The following CHN2 variants were observed in gnomAD, a reference collection of about 807,000 sequenced individuals.
CHN2 encodes the protein beta-chimaerin.
In CHN2, 35 loss-of-function variants were observed where a neutral mutation model predicts 56.3. That is an observed-to-expected ratio of 0.62 (90% CI 0.47 to 0.82). The LOEUF is 0.82. Among genes scored for constraint, CHN2 ranks in the 40% least tolerant of loss-of-function variants. The probability of loss-of-function intolerance (pLI) is 0.00; values close to 1 mark genes in which losing one functional copy is unlikely to be tolerated. For synonymous variants in CHN2, 210 were observed against 212.8 expected (o/e 0.99, Z 0.12); for missense variants, 491 against 580.5 (o/e 0.85, Z 1.58).
intron 2 of CHN2, among the ~76,000 whole-genome samples, chr7:29,181,654 A>G (rs1373388673): frequency 6.6e-6 from 1 of 152,228 alleles, no homozygotes; most frequent in Non-Finnish European, 1.5e-5. Flanking sequence ...TAGCTTTATT[A>G]TGGCCTCCAA....
intron 2 of CHN2, among the ~76,000 whole-genome samples, chr7:29,175,411 G>A (rs1252032735): frequency 6.6e-6 from 1 of 151,960 alleles, no homozygotes; most frequent in African/African-American, 2.4e-5. Context: ...CCAGACTTCG[G>A]GTTTTCTGCC....
Position 29,255,692 on chromosome 7 carries a change from AAAAC to A in CHN2, c.49+60712_49+60715del, listed in dbSNP as rs1332045760. The stretch of plus-strand genomic sequence containing the variant: ...TCAAGTTCAGAATGGGTTTTTTATA[AAAAC>A]AAACAAACAGCCATGATTGATGTCT... On this transcript the variant is annotated intron_variant, in intron 1 of 12. Transcript: ENST00000222792. 1.4e-4 allele frequency among the ~76,000 whole-genome samples: 21 copies of A among 152,312 alleles called. No individual in the cohort carries two copies. The East Asian group carries it at 1.7e-3, about 13-fold the overall frequency.
chr7:29,334,049 C>CTTTTTTTTTTT (rs70980529), intron 1 of CHN2, among the ~76,000 whole-genome samples: 3 of 123,126 alleles, frequency 2.4e-5, no homozygotes, highest in East Asian at 2.3e-4. Context: ...AATTTCTTTT[C>CTTTTTTTTTTT]TTTTTTTTTT....
chr7:29,479,924 A>C (rs919738785), intron 6 of CHN2: 1 of 1,437,982 alleles, frequency 7.0e-7, no homozygotes, highest in Non-Finnish European at 9.1e-7. Context: ...GCCCATCCTT[A>C]TTCAGAAGCC....
intron 1 of CHN2, among the ~76,000 whole-genome samples, chr7:29,319,243 A>G (rs1795171559): frequency 2.0e-5 from 3 of 152,220 alleles, no homozygotes. Flanking sequence ...GAATCATCAC[A>G]AAAAGAAAAA....
intron 1 of CHN2, among the ~76,000 whole-genome samples, chr7:29,338,088 A>G (rs980081619): frequency 1.3e-5 from 2 of 152,226 alleles, no homozygotes; most frequent in African/African-American, 4.8e-5. Flanking sequence ...GGCAGGCTTA[A>G]TATACTTACA....
At chr7:29,360,239 T>A (rs1241164217) in intron 2 of CHN2, among the ~76,000 whole-genome samples, 2 of 152,178 alleles carry the variant, frequency 1.3e-5, no homozygotes, top group Non-Finnish European at 2.9e-5. Flanking sequence ...CTCGACATTC[T>A]GGCCGGGTGC....
At chr7:29,297,008 G>A (rs1793215605) in intron 1 of CHN2, among the ~76,000 whole-genome samples, 2 of 152,176 alleles carry the variant, frequency 1.3e-5, no homozygotes, top group South Asian at 4.1e-4. Flanking sequence ...CTGTCCTAAC[G>A]TTGTAGGACA....
intron 1 of CHN2, among the ~76,000 whole-genome samples, chr7:29,268,740 C>G (rs749783800): frequency 3.9e-5 from 6 of 152,234 alleles, no homozygotes; most frequent in Non-Finnish European, 7.3e-5. Flanking sequence ...AGCTCTCTCC[C>G]CAACACCCAT....
chr7:29,175,978 A>C (rs1427770014), intron 2 of CHN2, among the ~76,000 whole-genome samples: 2 of 152,118 alleles, frequency 1.3e-5, no homozygotes, highest in Non-Finnish European at 2.9e-5. Context: ...CAAGGTCAGG[A>C]GATCAAGACC....
At chr7:29,229,892 G>A (rs1786528229) in intron 1 of CHN2, among the ~76,000 whole-genome samples, 1 of 152,068 alleles carries the variant, frequency 6.6e-6, no homozygotes, top group Non-Finnish European at 1.5e-5. Flanking sequence ...TAGGTGGATT[G>A]CTCAAGTCCA....
At chr7:29,406,008 G>C (rs1002427160) in intron 6 of CHN2, among the ~76,000 whole-genome samples, 1 of 152,212 alleles carries the variant, frequency 6.6e-6, no homozygotes, top group Non-Finnish European at 1.5e-5. Context: ...CCTGTCCCGA[G>C]TGGTTCTCCC....
chr7:29,273,365 A>ATATATATGTGTATATATATATATG, intron 1 of CHN2, among the ~76,000 whole-genome samples: 1 of 52,126 alleles, frequency 1.9e-5, no homozygotes, highest in African/African-American at 7.8e-5. Context: ...ATATATATAT[A>ATATATATGTGTATATATATATATG]TATATATATA....
At chr7:29,263,396 C>T (rs913214505) in intron 1 of CHN2, among the ~76,000 whole-genome samples, 1 of 152,174 alleles carries the variant, frequency 6.6e-6, no homozygotes, top group Non-Finnish European at 1.5e-5. Flanking sequence ...ACCTCCCAGC[C>T]GCCTGCCTTG....
intron 1 of CHN2, among the ~76,000 whole-genome samples, chr7:29,309,371 C>G (rs1304653624): frequency 1.3e-5 from 2 of 152,088 alleles, no homozygotes; most frequent in African/African-American, 4.8e-5. Context: ...TAGACCCTTT[C>G]AGATACCATC....
chr7:29,280,502 A>G (rs1791617337), intron 1 of CHN2, among the ~76,000 whole-genome samples: 1 of 152,128 alleles, frequency 6.6e-6, no homozygotes, highest in African/African-American at 2.4e-5. Context: ...CATCTGAGGA[A>G]CTTACAGTTG....
chr7:29,163,770 T>A (rs1000711214), intron 2 of CHN2, among the ~76,000 whole-genome samples: 56 of 152,244 alleles, frequency 3.7e-4, no homozygotes, highest in Non-Finnish European at 1.0e-4. Flanking sequence ...TTTTAAAATT[T>A]TTAAATAAAT....
At chr7:29,210,455 T>G (rs1784833048) in intron 1 of CHN2, among the ~76,000 whole-genome samples, 1 of 151,896 alleles carries the variant, frequency 6.6e-6, no homozygotes, top group African/African-American at 2.4e-5. Context: ...CACACACCAA[T>G]ACTTCATTCC....
chr7:29,221,471 T>G (rs1203718251), intron 1 of CHN2, among the ~76,000 whole-genome samples: 1 of 152,188 alleles, frequency 6.6e-6, no homozygotes, highest in Non-Finnish European at 1.5e-5. Flanking sequence ...CCTTCAACTT[T>G]TGTTTTAAGT....
Sources: gnomAD v4.1 joint callset for allele counts (sites outside exome capture counted in the v4.1 genomes callset) on GRCh38, gnomAD v4.1.1 for gene constraint, MANE v1.5 for transcripts, NCBI Gene and HGNC (gene_info 2026-07-23, HGNC 2026-07-21) for gene names.